EDC3: variants seen among roughly 807,000 people sequenced by gnomAD.
EDC3 encodes the protein enhancer of mRNA-decapping protein 3.
In EDC3, 20 loss-of-function variants were observed where a neutral mutation model predicts 41.8. The ratio of observed to expected loss-of-function variants is 0.48; its 90% CI spans 0.34 to 0.70. The LOEUF (loss-of-function observed/expected upper bound fraction) is 0.70, where lower values mean the gene tolerates loss of function less well. EDC3 is among the 30% of genes least tolerant of loss of function. EDC3 has a pLI of 0.01. For synonymous variants in EDC3, 206 were observed against 243.2 expected, an observed-to-expected ratio of 0.85 and a Z score of 1.42; for missense variants, 444 against 636.8, an observed-to-expected ratio of 0.70 and a Z score of 3.26.
intron 3 of EDC3, among the ~76,000 whole-genome samples, chr15:74,657,373 T>TG (rs2062562200): frequency 1.3e-5 from 2 of 152,328 alleles, no homozygotes; most frequent in South Asian, 2.1e-4. Flanking sequence ...TAGAACACAG[T>TG]GGGTCTGAGT....
chr15:74,693,955 C>T (rs1399359920), intron 1 of EDC3, among the ~76,000 whole-genome samples: 1 of 151,978 alleles, frequency 6.6e-6, no homozygotes, highest in Non-Finnish European at 1.5e-5. Context: ...TGCACTCCGT[C>T]CAACCTGGGC....
In EDC3 at chr15:74,671,652, T is replaced by C. The variant is rs771598019; in HGVS notation, c.287A>G (p.Asn96Ser). 12 of 1,614,164 alleles carry C rather than the reference T, an allele frequency of 7.4e-6. No individual in the cohort carries two copies. Among genetic ancestry groups the C allele is most frequent in the South Asian group, 1.1e-5 (1 of 91,080 alleles). Residue 96 changes from asparagine (N) to serine (S), a missense_variant, in exon 3 of 7, where the codon AAT becomes AGT. Transcript: ENST00000315127. The surrounding 1 kb of genome is among the most constrained non-coding windows in gnomAD (Gnocchi z 4.6). ...PSGAGCQVGI[N>S]QNGTGKFVKK... The stretch of plus-strand genomic sequence containing the variant: ...GACAAACTTGCCTGTGCCATTCTGA[T>C]TGATGCCCACTTGGCAGCCAGCACC...
At chr15:74,682,646 C>T (rs530101830) in intron 1 of EDC3, among the ~76,000 whole-genome samples, 2 of 144,174 alleles carry the variant, frequency 1.4e-5, no homozygotes, top group African/African-American at 5.1e-5. Flanking sequence ...AACCAAAAAA[C>T]TAAACATGCA....
chr15:74,635,290 G>A (rs541647544), intron 6 of EDC3, 119 bp downstream of exon 6: 60 of 922,304 alleles, frequency 6.5e-5, no homozygotes, highest in East Asian at 3.2e-4. Context: ...CCTTAGAGGC[G>A]AAGCACCATC....
At chr15:74,687,728 A>G (rs77969350) in intron 1 of EDC3, among the ~76,000 whole-genome samples, 2 of 152,154 alleles carry the variant, frequency 1.3e-5, no homozygotes, top group Non-Finnish European at 2.9e-5. Context: ...ATGGTAAAAA[A>G]GCACAAAATA....
intron 3 of EDC3, among the ~76,000 whole-genome samples, chr15:74,661,688 G>A (rs1351585003): frequency 5.0e-5 from 7 of 140,734 alleles, no homozygotes; most frequent in African/African-American, 1.1e-4. Flanking sequence ...CCAAGATCGC[G>A]CCACTGCACT....
At chr15:74,648,250 C>A (rs531434380) in intron 4 of EDC3, among the ~76,000 whole-genome samples, 3 of 152,338 alleles carry the variant, frequency 2.0e-5, no homozygotes, top group African/African-American at 7.2e-5. Context: ...GATTTCTTGA[C>A]TACCTATTTT....
At chr15:74,690,851 T>C (rs1338461459) in intron 1 of EDC3, among the ~76,000 whole-genome samples, 1 of 152,014 alleles carries the variant, frequency 6.6e-6, no homozygotes, top group Non-Finnish European at 1.5e-5. Flanking sequence ...ACCCATATCT[T>C]CCATAAAAGG....
chr15:74,632,603 A>C lies in EDC3; in HGVS notation c.*9T>G, dbSNP rs1261528347. 2 of 1,609,750 alleles carry C rather than the reference A, an allele frequency of 1.2e-6. No individual in the cohort carries two copies. The highest frequency in any genetic ancestry group is 8.5e-7 in the Non-Finnish European group (1 of 1,176,994). ...GGGGACAGCAGAGTCCTGCCTGCGC[A>C]GGAACCCTCTAAGCAGAGTGCAGTG... On this transcript the variant is annotated 3_prime_UTR_variant, in exon 7 of 7. Coordinates refer to ENST00000315127, the MANE Select transcript of EDC3 (RefSeq NM_025083.5). The surrounding 1 kb of genome is among the most constrained non-coding windows in gnomAD (Gnocchi z 4.0).
chr15:74,651,383 G>A (rs1347540659), intron 4 of EDC3, among the ~76,000 whole-genome samples: 2 of 152,184 alleles, frequency 1.3e-5, no homozygotes, highest in Non-Finnish European at 2.9e-5. Flanking sequence ...GTTAAACAAA[G>A]AGCTAAATTT....
intron 1 of EDC3, among the ~76,000 whole-genome samples, chr15:74,677,310 C>T (rs1567177560): frequency 6.6e-6 from 1 of 151,000 alleles, no homozygotes; most frequent in African/African-American, 2.4e-5. Context: ...ATCCACCCGC[C>T]TCACCTCCCA....
intron 1 of EDC3, among the ~76,000 whole-genome samples, chr15:74,688,955 G>T (rs2062970445): frequency 6.7e-6 from 1 of 149,282 alleles, no homozygotes; most frequent in Non-Finnish European, 1.5e-5. Context: ...CCCCATTGTT[G>T]CATGTATCAG....
At chr15:74,691,818 G>GT (rs2063010699) in intron 1 of EDC3, among the ~76,000 whole-genome samples, 2 of 151,796 alleles carry the variant, frequency 1.3e-5, no homozygotes, top group African/African-American at 4.8e-5. Context: ...CTATTTTCTG[G>GT]GTTTTTTTGG....
Position 74,655,763 on chromosome 15 carries a change from G to C in EDC3, c.790C>G (p.Pro264Ala), listed in dbSNP as rs779584456. The C allele has an allele frequency of 1.9e-6, 3 of 1,612,972 alleles. No homozygotes were observed. The highest frequency in any genetic ancestry group is 2.7e-5 in the African/African-American group (2 of 74,868). ...EPIVYRRIIV[P>A]HNVSKEFCTD... ...CAGAACTCCTTGCTCACGTTGTGGG[G>C]CACTATGATCCGTCGATAGACAATG... The change falls in exon 4 of 7, where the codon CCC (proline) becomes GCC (alanine). Residue 264 changes from proline (P) to alanine (A), a missense_variant. Around this residue, in one of 3 missense-constraint regions of EDC3, gnomAD observed 242 missense variants for 363.8 expected, o/e 0.67. Coordinates refer to ENST00000315127, the MANE Select transcript of EDC3 (RefSeq NM_025083.5).
intron 3 of EDC3, among the ~76,000 whole-genome samples, chr15:74,659,822 G>A (rs1016766049): frequency 1.3e-5 from 2 of 152,060 alleles, no homozygotes; most frequent in Non-Finnish European, 1.5e-5. Context: ...TGAGGTGGGC[G>A]GATCATGAGG....
intron 4 of EDC3, among the ~76,000 whole-genome samples, chr15:74,647,007 C>T (rs1367823607): frequency 2.2e-5 from 3 of 134,240 alleles, no homozygotes; most frequent in Non-Finnish European, 4.9e-5. Context: ...CTTTCCAGAC[C>T]TTTTTTTTTT....
chr15:74,652,177 G>A (rs1369835529), intron 4 of EDC3, among the ~76,000 whole-genome samples: 4 of 151,830 alleles, frequency 2.6e-5, no homozygotes. Flanking sequence ...GTAAGTTGGA[G>A]GATCATCTGT....
At chr15:74,680,912 T>C (rs995327916) in intron 1 of EDC3, among the ~76,000 whole-genome samples, 3 of 149,572 alleles carry the variant, frequency 2.0e-5, no homozygotes, top group Non-Finnish European at 3.0e-5. Flanking sequence ...GGTGTAAATC[T>C]AAAAAAAAAG....
chr15:74,693,789 G>A (rs1278152202), intron 1 of EDC3, among the ~76,000 whole-genome samples: 2 of 152,050 alleles, frequency 1.3e-5, no homozygotes, highest in African/African-American at 2.4e-5. Context: ...TTCGAGACCA[G>A]CCCGGCCAAC....
Sources: gnomAD v4.1 joint callset for allele counts (sites outside exome capture counted in the v4.1 genomes callset) on GRCh38, gnomAD v4.1.1 for gene constraint, gnomAD v4.1.1 regional missense constraint, Gnocchi (gnomAD v3.1) non-coding constraint, MANE v1.5 for transcripts, NCBI Gene and HGNC (gene_info 2026-07-23, HGNC 2026-07-21) for gene names.